The following FAM72B variants were observed in gnomAD, a reference collection of about 807,000 sequenced individuals.
FAM72B encodes protein FAM72B.
A neutral mutation model predicts 12.6 loss-of-function variants in FAM72B; 4 were observed. The ratio of observed to expected loss-of-function variants is 0.32; its 90% CI spans 0.16 to 0.73. FAM72B has a LOEUF of 0.73. Ranked by LOEUF, FAM72B falls within the 30% of genes least tolerant of loss-of-function variation. The pLI, the probability that FAM72B is intolerant of heterozygous loss-of-function variation, is 0.67. For missense variants in FAM72B, 61 were observed against 158.4 expected (o/e 0.39, Z 3.30); for synonymous variants, 13 against 53.9 (o/e 0.24, Z 3.32).
chr1:121,176,730 A>G (rs1489039864), intron 3 of FAM72B, among the ~76,000 whole-genome samples: 1 of 150,982 alleles, frequency 6.6e-6, no homozygotes, highest in African/African-American at 2.4e-5. Flanking sequence ...AAATTCTGTC[A>G]TAACGTATTA....
At chr1:121,178,649 T>C (rs1350591949) in intron 2 of FAM72B, among the ~76,000 whole-genome samples, 1 of 150,228 alleles carries the variant, frequency 6.7e-6, no homozygotes, top group African/African-American at 2.5e-5. Flanking sequence ...CTAACATTTA[T>C]TGAGTATCTG....
chr1:121,179,548 C>G (rs587768233), intron 2 of FAM72B, among the ~76,000 whole-genome samples: 3 of 151,496 alleles, frequency 2.0e-5, no homozygotes, highest in Non-Finnish European at 4.4e-5. Context: ...GCCGTGTGGG[C>G]TGGGTGCGGT....
chr1:121,183,377 G>A lies in FAM72B; in HGVS notation c.113C>T (p.Thr38Ile). The A allele has an allele frequency of 1.4e-6, 2 of 1,462,774 alleles. No individual in the cohort carries two copies. Among genetic ancestry groups the A allele is most frequent in the Non-Finnish European group, 9.2e-7 (1 of 1,083,766 alleles). 90.6% of individuals were successfully genotyped at this position (1,462,774 alleles called of 1,614,324 possible). Residue 38 changes from threonine to isoleucine, a missense_variant, in exon 1 of 4, where the codon ACT (threonine) becomes ATT (isoleucine). Coordinates refer to ENST00000369390, the MANE Select transcript of FAM72B (RefSeq NM_001100910.2). The stretch of plus-strand genomic sequence containing the variant: ...GTCTGTAGAGAAAAGGTCTATTTCA[G>A]TATCAGCCAGCAAAACAGCCTTCAT... ...RGMKAVLLADTEIDLFSTDIP... is the reference protein window; with the variant it reads ...RGMKAVLLADIEIDLFSTDIP...
intron 1 of FAM72B, among the ~76,000 whole-genome samples, chr1:121,182,145 G>T (rs1654345441): frequency 6.6e-6 from 1 of 152,140 alleles, no homozygotes; most frequent in Admixed American, 6.5e-5. Context: ...TAGGTTCTAT[G>T]ATTTATTTTC....
intron 2 of FAM72B, among the ~76,000 whole-genome samples, chr1:121,177,804 C>T (rs2185178): frequency 6.7e-6 from 1 of 148,428 alleles, no homozygotes; most frequent in Non-Finnish European, 1.5e-5. Flanking sequence ...CTGCCTTGGC[C>T]TCCCAAAGTG....
At chr1:121,179,577 T>C (rs1654286496) in intron 2 of FAM72B, among the ~76,000 whole-genome samples, 1 of 151,996 alleles carries the variant, frequency 6.6e-6, no homozygotes. Flanking sequence ...CCTGTAATCC[T>C]AGCACTTAGG....
In FAM72B at chr1:121,173,285, A is replaced by AG. The variant is rs1240898758; in HGVS notation, c.355+3922dup. 8.6e-5 allele frequency among the ~76,000 whole-genome samples: 12 copies of AG among 139,258 alleles called. No individual in the cohort carries two copies. The East Asian group carries it at 2.0e-3, about 23-fold the overall frequency. 91.4% of individuals were successfully genotyped at this position (139,258 alleles called of 152,430 possible). On this transcript the variant is annotated intron_variant, in intron 3 of 3. Transcript: ENST00000369390. ...CTGCAACCTCCACCTCCTAGGTTCAAGGGGGGTTTCATCATATTGGCCAGG... is the reference window on the plus strand; with the variant it reads ...CTGCAACCTCCACCTCCTAGGTTCAAGGGGGGGTTTCATCATATTGGCCAGG...
intron 1 of FAM72B, among the ~76,000 whole-genome samples, chr1:121,182,127 T>C (rs1183797636): frequency 2.6e-5 from 4 of 152,246 alleles, no homozygotes; most frequent in Non-Finnish European, 4.4e-5. Context: ...CACAGAACTT[T>C]GTAACAGTAG....
chr1:121,168,875 C>T, intron 3 of FAM72B, 40 bp from the exon 4 acceptor site: 1 of 1,577,504 alleles, frequency 6.3e-7, no homozygotes, highest in South Asian at 1.1e-5. Flanking sequence ...ATGCTTACTA[C>T]TGTTATAACT....
At chr1:121,174,844 T>C (rs1654178757) in intron 3 of FAM72B, among the ~76,000 whole-genome samples, 1 of 148,856 alleles carries the variant, frequency 6.7e-6, no homozygotes, top group Admixed American at 6.7e-5. Context: ...GGCAGAGTTC[T>C]ACTATATTGG....
At chr1:121,179,749 A>G (rs1654292582) in intron 2 of FAM72B, among the ~76,000 whole-genome samples, 1 of 141,892 alleles carries the variant, frequency 7.0e-6, no homozygotes, top group Non-Finnish European at 1.5e-5. Flanking sequence ...ATTCGCTTGA[A>G]CCTGGGAGGC....
rs1654168443 is a variant in FAM72B, at chr1:121,174,531, C to A, written c.355+2677G>T. On this transcript the variant is annotated intron_variant, in intron 3 of 3. Coordinates refer to ENST00000369390, the MANE Select transcript of FAM72B (RefSeq NM_001100910.2). ...TATAGGCATGCGCCACCATGCCCAG[C>A]TAATTTTGTATTTTTAGTAGAGACG... is the stretch of plus-strand genomic sequence containing the variant. 1.1e-4 allele frequency among the ~76,000 whole-genome samples: 16 copies of A among 148,384 alleles called. No individual in the cohort carries two copies. In the South Asian group the frequency reaches 3.4e-3, roughly 31 times the overall value.
chr1:121,169,933 C>G (rs78266807), intron 3 of FAM72B, among the ~76,000 whole-genome samples: 4,120 of 152,108 alleles, frequency 0.027, 103 homozygotes, highest in Admixed American at 0.075. Context: ...AATAACTGAC[C>G]TCTAGGATAG....
At position 121,183,614 on chromosome 1, in the gene FAM72B, T is replaced by C; in HGVS notation, c.-125A>G. 2 of 1,576,122 alleles carry C rather than the reference T, an allele frequency of 1.3e-6. No individual in the cohort carries two copies. Among genetic ancestry groups the C allele is most frequent in the Admixed American group, 2.0e-5 (1 of 50,636 alleles). On this transcript the variant is annotated 5_prime_UTR_variant, in exon 1 of 4. Coordinates refer to ENST00000369390, the MANE Select transcript of FAM72B (RefSeq NM_001100910.2). ...CCTAGAGCTTTTCTAAGTCCTAATATTGGGAAGGAAATTAGTTTTTTTTTT... is the reference window on the plus strand; with the variant it reads ...CCTAGAGCTTTTCTAAGTCCTAATACTGGGAAGGAAATTAGTTTTTTTTTT...
At chr1:121,176,902 T>A (rs1304088067) in intron 3 of FAM72B, among the ~76,000 whole-genome samples, 2 of 150,112 alleles carry the variant, frequency 1.3e-5, no homozygotes, top group African/African-American at 4.9e-5. Context: ...TCTAAAATCT[T>A]CAAAAATTCT....
Position 121,183,665 on chromosome 1 carries a change from G to T in FAM72B, c.-176C>A, listed in dbSNP as rs1654390595. ...CTGTTTTCCCGGTGGCGGAGTAGAA[G>T]AAGTATTTATTGAGTAGGAACAGGG... On this transcript the variant is annotated 5_prime_UTR_variant, in exon 1 of 4. Coordinates refer to ENST00000369390, the MANE Select transcript of FAM72B (RefSeq NM_001100910.2). The T allele has an allele frequency of 3.5e-5, 46 of 1,305,264 alleles. No homozygotes were observed. The highest frequency in any genetic ancestry group is 4.5e-5 in the Non-Finnish European group (43 of 961,798). The allele number at this position is 1,305,264 out of a possible 1,614,324, so 80.9% of individuals were successfully genotyped here. A position where few individuals can be genotyped will look rare whatever the true frequency, so the allele number is the denominator to read the frequency against.
In FAM72B at chr1:121,183,430, G is replaced by A; in HGVS notation, c.60C>T (p.Phe20=). ...DRCVSILCCK[F]CKQVLSSRGM... ...CCCTAGAGCTGAGCACTTGTTTACA[G>A]AATTTGCAACACAGGATGGACACGC... The change falls in exon 1 of 4, where the codon TTC becomes TTT. Residue 20 remains phenylalanine (F), a synonymous_variant. Coordinates refer to ENST00000369390, the MANE Select transcript of FAM72B (RefSeq NM_001100910.2). 1 of 1,558,196 alleles carries A rather than the reference G, an allele frequency of 6.4e-7. No homozygotes were observed. Among genetic ancestry groups the A allele is most frequent in the South Asian group, 1.1e-5 (1 of 87,718 alleles).
intron 2 of FAM72B, among the ~76,000 whole-genome samples, chr1:121,178,603 A>C (rs1654262995): frequency 7.5e-6 from 1 of 133,052 alleles, no homozygotes; most frequent in Non-Finnish European, 1.6e-5. Flanking sequence ...ATTACCGCCT[A>C]TATTCATTCA....
At position 121,172,769 on chromosome 1, in the gene FAM72B, A is replaced by C. The variant is rs587628916; in HGVS notation, c.356-3934T>G. Among the ~76,000 whole-genome samples, 19 of 117,684 alleles carry C rather than the reference A, an allele frequency of 1.6e-4. 2 individuals are homozygous for C. The South Asian group carries it at 4.7e-3, about 29-fold the overall frequency. The allele number at this position is 117,684 out of a possible 152,430, so 77.2% of individuals were successfully genotyped here. On this transcript the variant is annotated intron_variant, in intron 3 of 3. Coordinates refer to ENST00000369390, the MANE Select transcript of FAM72B (RefSeq NM_001100910.2). ...CAGAATGACTCCATCTCAAAAAAAA[A>C]AAAAAAAAAAAAAGGTACTTCAGGC...
Sources: allele counts gnomAD v4.1 joint callset (sites outside exome capture counted in the v4.1 genomes callset), GRCh38; gene constraint gnomAD v4.1.1; transcripts MANE v1.5; gene names NCBI Gene and HGNC (gene_info 2026-07-23, HGNC 2026-07-21).